The following ROBO1 variants were observed in gnomAD, a reference collection of about 807,000 sequenced individuals.
ROBO1 encodes the protein roundabout homolog 1.
In ROBO1, 149 loss-of-function variants were observed where a neutral mutation model predicts 195.9. That is an observed-to-expected ratio of 0.76 (90% CI 0.67 to 0.87). ROBO1 has a LOEUF of 0.87. Ranked by LOEUF, ROBO1 falls within the 40% of genes least tolerant of loss-of-function variation. The probability of loss-of-function intolerance (pLI) is 0.00; values close to 1 mark genes in which losing one functional copy is unlikely to be tolerated. For missense variants in ROBO1, 1,933 were observed against 2,068.3 expected (o/e 0.93, Z 1.27); for synonymous variants, 816 against 733.2 (o/e 1.11, Z -1.82).
At chr3:78,600,802 A>AACTT (rs1341596216) in intron 29 of ROBO1, among the ~76,000 whole-genome samples, 1 of 152,216 alleles carries the variant, frequency 6.6e-6, no homozygotes, top group African/African-American at 2.4e-5. Context: ...ATATCTACAT[A>AACTT]ACTTATAAAA....
chr3:78,812,062 C>CA (rs1446978544), intron 4 of ROBO1, among the ~76,000 whole-genome samples: 1 of 152,074 alleles, frequency 6.6e-6, no homozygotes, highest in African/African-American at 2.4e-5. Flanking sequence ...TGGAAGTGAA[C>CA]ATTCTTTTGC....
chr3:79,019,351 G>A lies in ROBO1; in HGVS notation c.173-80424C>T, dbSNP rs1202464082. On this transcript the variant is annotated intron_variant, in intron 3 of 30. Coordinates refer to ENST00000464233, the MANE Select transcript of ROBO1 (RefSeq NM_002941.4). ...CCGGGGTGGCAGAGAAGGGCAGAGAGGATGCTGCTGCGGGTGGGAGAGACG... is the reference window on the plus strand; with the variant it reads ...CCGGGGTGGCAGAGAAGGGCAGAGAAGATGCTGCTGCGGGTGGGAGAGACG... 4 of 985,750 alleles carry A rather than the reference G, an allele frequency of 4.1e-6. No homozygotes were observed. In the African/African-American group the frequency reaches 5.2e-5, roughly 13 times the overall value. The allele number at this position is 985,750 out of a possible 1,614,324, so 61.1% of individuals were successfully genotyped here. A position where few individuals can be genotyped will look rare whatever the true frequency, so the allele number is the denominator to read the frequency against.
intron 2 of ROBO1, among the ~76,000 whole-genome samples, chr3:79,263,690 C>T (rs888775451): frequency 2.0e-5 from 3 of 151,832 alleles, no homozygotes; most frequent in African/African-American, 7.3e-5. Flanking sequence ...CTTTGCCTTT[C>T]GATATTTTAC....
chr3:79,052,711 C>T (rs1423793007), intron 3 of ROBO1, among the ~76,000 whole-genome samples: 1 of 152,144 alleles, frequency 6.6e-6, no homozygotes, highest in South Asian at 2.1e-4. Flanking sequence ...AGAAAAGAAC[C>T]TACATTGAAA....
chr3:78,646,198 G>C lies in ROBO1; in HGVS notation c.2840-8C>G. ...CTCCTCTCTGGTAAGTTACTAGAATGTTACGAAAAAAAAAAGGAACAATTA... is the reference window on the plus strand; with the variant it reads ...CTCCTCTCTGGTAAGTTACTAGAATCTTACGAAAAAAAAAAGGAACAATTA... On this transcript the variant is annotated splice_polypyrimidine_tract_variant and splice_region_variant and intron_variant, in intron 20 of 30. Coordinates refer to ENST00000464233, the MANE Select transcript of ROBO1 (RefSeq NM_002941.4). The C allele has an allele frequency of 6.3e-7, 1 of 1,591,398 alleles. No individual in the cohort carries two copies. The highest frequency in any genetic ancestry group is 8.6e-7 in the Non-Finnish European group (1 of 1,166,830).
intron 3 of ROBO1, among the ~76,000 whole-genome samples, chr3:78,987,474 G>C (rs912781396): frequency 2.6e-5 from 4 of 152,098 alleles, no homozygotes; most frequent in African/African-American, 9.7e-5. Flanking sequence ...TGTGCTTTCT[G>C]AGGGAGACTA....
intron 30 of ROBO1, among the ~76,000 whole-genome samples, chr3:78,599,383 A>G (rs1044328366): frequency 7.9e-5 from 12 of 152,168 alleles, no homozygotes; most frequent in African/African-American, 2.9e-4. Context: ...TAAACCTCAA[A>G]ATCGAAATAC....
intron 1 of ROBO1, among the ~76,000 whole-genome samples, chr3:79,599,939 C>A (rs560327048): frequency 1.3e-5 from 2 of 151,774 alleles, no homozygotes; most frequent in East Asian, 3.9e-4. Flanking sequence ...TTAAAACTGT[C>A]TACATCACGC....
chr3:78,665,786 A>T (rs1316781152), intron 14 of ROBO1, among the ~76,000 whole-genome samples: 1 of 152,190 alleles, frequency 6.6e-6, no homozygotes, highest in Non-Finnish European at 1.5e-5. Flanking sequence ...AGCTTGCTCA[A>T]GGTCACACAG....
At position 78,620,883 on chromosome 3, in the gene ROBO1, A is replaced by ATATGTGTGTGTGTGTGTGTG. The variant is rs368794312; in HGVS notation, c.3876-2843_3876-2842insCACACACACACACACACATA. On this transcript the variant is annotated intron_variant, in intron 26 of 30. Transcript: ENST00000464233. ...AAGTGTAAATATATTATATATATATATGTGTGTGTGTGTGTGTGTGTGTAT... is the reference window on the plus strand; with the variant it reads ...AAGTGTAAATATATTATATATATATATATGTGTGTGTGTGTGTGTGTGTGTGTGTGTGTGTGTGTGTGTAT... 3.7e-3 allele frequency among the ~76,000 whole-genome samples: 530 copies of ATATGTGTGTGTGTGTGTGTG among 144,654 alleles called. 6 individuals carry two copies. The highest frequency in any genetic ancestry group is 0.018 in the Middle Eastern group (5 of 278). The allele number at this position is 144,654 out of a possible 152,430, so 94.9% of individuals were successfully genotyped here.
At chr3:79,568,730 T>A (rs903454357) in intron 2 of ROBO1, among the ~76,000 whole-genome samples, 18 of 152,104 alleles carry the variant, frequency 1.2e-4, no homozygotes, top group Admixed American at 1.0e-3. Context: ...TAGATAGTAC[T>A]TTATTAAAAT....
At chr3:79,570,327 C>T (rs756035871) in intron 2 of ROBO1, among the ~76,000 whole-genome samples, 5 of 151,082 alleles carry the variant, frequency 3.3e-5, no homozygotes, top group Admixed American at 6.6e-5. Flanking sequence ...GTTATTTTTA[C>T]GTCCCTGCTT....
intron 3 of ROBO1, among the ~76,000 whole-genome samples, chr3:79,124,739 T>A (rs1298166714): frequency 6.6e-6 from 1 of 152,228 alleles, no homozygotes; most frequent in East Asian, 1.9e-4. Context: ...TGTCTTGTAT[T>A]CCTTCTCCTT....
chr3:79,684,184 A>G (rs908421261), intron 1 of ROBO1, among the ~76,000 whole-genome samples: 1 of 152,144 alleles, frequency 6.6e-6, no homozygotes, highest in African/African-American at 2.4e-5. Context: ...TTTGATAAGC[A>G]CTTCCCTAAT....
chr3:78,693,154 C>A, intron 8 of ROBO1: 1 of 617,322 alleles, frequency 1.6e-6, no homozygotes, highest in Non-Finnish European at 2.7e-6. Flanking sequence ...AACCCCGTTA[C>A]CTTTACTCTT....
At chr3:78,923,054 G>A (rs2039030043) in intron 4 of ROBO1, among the ~76,000 whole-genome samples, 1 of 152,046 alleles carries the variant, frequency 6.6e-6, no homozygotes, top group South Asian at 2.1e-4. Context: ...TTTTCCAATA[G>A]TTATCCAATT....
chr3:79,735,993 A>C (rs1363664745), intron 1 of ROBO1, among the ~76,000 whole-genome samples: 1 of 152,198 alleles, frequency 6.6e-6, no homozygotes, highest in Non-Finnish European at 1.5e-5. Context: ...AAGAAGTTAA[A>C]AAAGAAAAAT....
At chr3:79,008,299 T>G (rs941859135) in intron 3 of ROBO1, among the ~76,000 whole-genome samples, 23 of 152,184 alleles carry the variant, frequency 1.5e-4, no homozygotes, top group African/African-American at 5.6e-4. Context: ...CATTATCAGG[T>G]ATGCCTGAAA....
At chr3:79,043,084 T>C (rs951453368) in intron 3 of ROBO1, among the ~76,000 whole-genome samples, 1 of 152,130 alleles carries the variant, frequency 6.6e-6, no homozygotes, top group Non-Finnish European at 1.5e-5. Flanking sequence ...ATTACACTAA[T>C]TTAACATTTT....
Sources: gnomAD v4.1 joint callset for allele counts (sites outside exome capture counted in the v4.1 genomes callset) on GRCh38, gnomAD v4.1.1 for gene constraint, MANE v1.5 for transcripts, NCBI Gene and HGNC (gene_info 2026-07-23, HGNC 2026-07-21) for gene names.